Variants in USP16 observed in about 807,000 individuals in gnomAD.
USP16 encodes the protein ubiquitin specific peptidase 16.
USP16 carries 77 observed loss-of-function variants against 95.9 expected under a neutral mutation model. That is an observed-to-expected ratio of 0.80 (90% confidence interval 0.67 to 0.97). The LOEUF (loss-of-function observed/expected upper bound fraction) is 0.97, where lower values mean the gene tolerates loss of function less well. USP16 is among the 50% of genes least tolerant of loss of function. The pLI is 0.00. For missense variants in USP16, 943 were observed against 959.9 expected, an observed-to-expected ratio of 0.98 and a Z score of 0.23; for synonymous variants, 303 against 318.2, an observed-to-expected ratio of 0.95 and a Z score of 0.51.
At chr21:29,042,984 G>C (rs2085267355) in intron 12 of USP16, 1 of 155,338 alleles carries the variant, frequency 6.4e-6, no homozygotes, top group Non-Finnish European at 1.4e-5. Context: ...GAGACCCTTG[G>C]CTTGTTAACT....
rs1247751668 is a variant in USP16 at position 29,042,545 on chromosome 21, T to C, written c.1179+17T>C. 1.3e-6 allele frequency: 2 copies of C among 1,581,288 alleles called. No homozygotes were observed. The highest frequency in any genetic ancestry group is 3.8e-5 in the Admixed American group (2 of 52,264). On this transcript the variant is annotated intron_variant, in intron 12 of 17. Coordinates refer to ENST00000399976, the MANE Select transcript of USP16 (RefSeq NM_006447.3). ...GATGATCAGGTAAGACTATTGAATT[T>C]ATTTTATTCAAGTAGATTTTTTTTC...
chr21:29,041,800 C>T (rs911774092), intron 10 of USP16, among the ~76,000 whole-genome samples: 2 of 151,956 alleles, frequency 1.3e-5, no homozygotes, highest in East Asian at 3.9e-4. Context: ...TCATAAAAGG[C>T]GATTGTGTTC....
At chr21:29,038,990 TTGAC>T (rs780105701) in intron 7 of USP16, 32 bp from the exon 8 acceptor site, 3 of 1,459,178 alleles carry the variant, frequency 2.1e-6, no homozygotes, top group African/African-American at 1.5e-5. Flanking sequence ...ATTCCAGAAT[TTGAC>T]TGAAGAAAGT....
At chr21:29,043,008 C>G (rs535918828) in intron 12 of USP16, 7 of 155,824 alleles carry the variant, frequency 4.5e-5, no homozygotes, top group African/African-American at 1.7e-4. Flanking sequence ...CAATTAAAGT[C>G]TCACCAAATT....
At chr21:29,052,214 A>T (rs2085426214) in intron 16 of USP16, 1 of 152,226 alleles carries the variant, frequency 6.6e-6, no homozygotes, top group African/African-American at 2.4e-5. Context: ...CATGGACCAC[A>T]TTTTGAATAG....
chr21:29,027,154 T>C (rs1167051516), intron 1 of USP16, among the ~76,000 whole-genome samples: 4 of 152,254 alleles, frequency 2.6e-5, no homozygotes, highest in African/African-American at 9.6e-5. Flanking sequence ...CTTTTAGCAC[T>C]TTTCATGTTT....
chr21:29,044,666 C>CT (rs752215347), intron 13 of USP16, among the ~76,000 whole-genome samples: 1 of 152,214 alleles, frequency 6.6e-6, no homozygotes, highest in African/African-American at 2.4e-5. Flanking sequence ...AGGCTGGTCT[C>CT]TAACTCCTGA....
At chr21:29,044,499 T>A (rs2276517) in intron 13 of USP16, among the ~76,000 whole-genome samples, 22 of 147,436 alleles carry the variant, frequency 1.5e-4, no homozygotes, top group Non-Finnish European at 4.5e-5. Context: ...CAGGCTGGAG[T>A]GCAAATGGCG....
intron 3 of USP16, among the ~76,000 whole-genome samples, chr21:29,034,559 C>T (rs1183175467): frequency 6.6e-6 from 1 of 152,052 alleles, no homozygotes; most frequent in African/African-American, 2.4e-5. Context: ...GTGATCCCAC[C>T]CCTGGCCTCA....
Position 29,046,779 on chromosome 21 carries a change from A to G in USP16, c.1469A>G (p.Glu490Gly). 1 of 1,614,132 alleles carries G rather than the reference A, an allele frequency of 6.2e-7. No individual in the cohort carries two copies. Among genetic ancestry groups the G allele is most frequent in the South Asian group, 1.1e-5 (1 of 91,084 alleles). Residue 490 changes from glutamate to glycine, a missense_variant, in exon 14 of 18, where the codon GAA becomes GGA. Glu to Gly is a moderately conservative substitution (Grantham distance 98). Transcript: ENST00000399976. ...GAAGCTGAAATGTCACTTCAAGGAG[A>G]AGTAAATATTAAATCCAACCATATT... ...EYEAEMSLQG[E>G]VNIKSNHISQ...
At chr21:29,035,678 T>C (rs2085144453) in intron 4 of USP16, among the ~76,000 whole-genome samples, 2 of 152,190 alleles carry the variant, frequency 1.3e-5, no homozygotes, top group Middle Eastern at 3.4e-3. Context: ...CCACCGTGCC[T>C]GGCTTGAATG....
Position 29,038,366 on chromosome 21 carries a change from T to G in USP16, c.668T>G (p.Leu223Arg), listed in dbSNP as rs1375040262. Reference protein sequence around the residue: ...NLSQTPVLRELLKEVKMSGTI... With the variant: ...NLSQTPVLRERLKEVKMSGTI... The stretch of plus-strand genomic sequence containing the variant: ...TCACAAACACCAGTGCTTAGAGAAC[T>G]ACTAAAAGAAGTGAAAATGTCTGGA... Residue 223 changes from leucine to arginine, a missense_variant, in exon 7 of 18, where the codon CTA becomes CGA. Physicochemically the swap from Leu to Arg is moderately radical, Grantham distance 102 (BLOSUM62 -2). Coordinates refer to ENST00000399976, the MANE Select transcript of USP16 (RefSeq NM_006447.3). 10 of 1,612,814 alleles carry G rather than the reference T, an allele frequency of 6.2e-6. No homozygotes were observed. The highest frequency in any genetic ancestry group is 8.5e-6 in the Non-Finnish European group (10 of 1,179,250).
At chr21:29,043,627 C>T in intron 13 of USP16, 28 bp downstream of exon 13, 1 of 1,481,956 alleles carries the variant, frequency 6.7e-7, no homozygotes, top group Non-Finnish European at 8.9e-7. Context: ...AAATCATATG[C>T]TTGTAATTTT....
intron 2 of USP16, among the ~76,000 whole-genome samples, chr21:29,029,733 A>G (rs1384562426): frequency 6.6e-6 from 1 of 152,054 alleles, no homozygotes; most frequent in Non-Finnish European, 1.5e-5. Context: ...GCACTTTCAC[A>G]TGTTTTTGTT....
intron 3 of USP16, 128 bp from the exon 4 acceptor site, chr21:29,034,709 C>T: frequency 1.2e-6 from 1 of 822,156 alleles, no homozygotes; most frequent in South Asian, 1.8e-5. Flanking sequence ...TAGAGTCTAA[C>T]ATTTTCTTTT....
At chr21:29,028,944 C>T (rs1019088215) in intron 2 of USP16, among the ~76,000 whole-genome samples, 8 of 152,156 alleles carry the variant, frequency 5.3e-5, no homozygotes, top group Admixed American at 1.3e-4. Flanking sequence ...ATTTTTGAAT[C>T]GAAGGGTGTA....
In USP16 at chr21:29,024,687, C is replaced by A. The variant is rs1271288039; in HGVS notation, c.-132C>A. 6 of 1,287,690 alleles carry A rather than the reference C, an allele frequency of 4.7e-6. No individual in the cohort carries two copies. The highest frequency in any genetic ancestry group is 5.6e-5 in the East Asian group (1 of 18,018). The allele number at this position is 1,287,690 out of a possible 1,614,324, so 79.8% of individuals were successfully genotyped here. A position where few individuals can be genotyped will look rare whatever the true frequency, so the allele number is the denominator to read the frequency against. On this transcript the variant is annotated 5_prime_UTR_variant, in exon 1 of 18. Transcript: ENST00000399976. ...GGGGTCACTCTGGCTTCGACTCCGT[C>A]GCTCTCAATTCGTCACCAGGAGGAA... is the stretch of plus-strand genomic sequence containing the variant.
At chr21:29,025,544 A>G (rs553679303) in intron 1 of USP16, among the ~76,000 whole-genome samples, 4 of 152,328 alleles carry the variant, frequency 2.6e-5, no homozygotes, top group South Asian at 2.1e-4. Flanking sequence ...TTTCCGCAGC[A>G]CTGGAGTGAC....
intron 2 of USP16, among the ~76,000 whole-genome samples, chr21:29,029,093 C>T (rs2085038393): frequency 6.6e-6 from 1 of 152,192 alleles, no homozygotes; most frequent in African/African-American, 2.4e-5. Flanking sequence ...CATCTGTAAA[C>T]ATCTGTGCTG....
Sources: allele counts gnomAD v4.1 joint callset (sites outside exome capture counted in the v4.1 genomes callset), GRCh38; gene constraint gnomAD v4.1.1; transcripts MANE v1.5; gene names NCBI Gene and HGNC (gene_info 2026-07-23, HGNC 2026-07-21).